Variants in WSCD2 observed in about 807,000 individuals in gnomAD.
WSCD2 encodes the protein WSC domain sialate O sulfotransferase 2, also known as sialate:O-sulfotransferase 2.
A neutral mutation model predicts 55.7 loss-of-function variants in WSCD2; 28 were observed. The observed-to-expected ratio is 0.50, with a 90% confidence interval of 0.37 to 0.69. WSCD2 has a LOEUF of 0.69. WSCD2 is among the 30% of genes least tolerant of loss of function. The pLI, the probability that WSCD2 is intolerant of heterozygous loss-of-function variation, is 0.00. For missense variants in WSCD2, 616 were observed against 762.1 expected (o/e 0.81, Z 2.26); for synonymous variants, 301 against 301.9 (o/e 1.00, Z 0.03).
At chr12:108,215,720 G>T (rs944386078) in intron 4 of WSCD2, among the ~76,000 whole-genome samples, 1 of 152,148 alleles carries the variant, frequency 6.6e-6, no homozygotes, top group African/African-American at 2.4e-5. Flanking sequence ...TTACCCAGGG[G>T]TTGGTGGCTT....
intron 8 of WSCD2, 142 bp from the exon 9 acceptor site, chr12:108,247,849 A>G: frequency 1.0e-6 from 1 of 986,462 alleles, no homozygotes; most frequent in Non-Finnish European, 1.5e-6. Flanking sequence ...GAGCCACCTC[A>G]CCTGGCCTGT....
At chr12:108,179,265 G>C (rs12308028) in intron 1 of WSCD2, among the ~76,000 whole-genome samples, 13,275 of 151,652 alleles carry the variant, frequency 0.088, 682 homozygotes, top group African/African-American at 0.14. Flanking sequence ...AGCGGGGGAG[G>C]GGGGGCAGAG....
chr12:108,131,234 G>A (rs900465300), intron 1 of WSCD2, among the ~76,000 whole-genome samples: 6 of 152,192 alleles, frequency 3.9e-5, no homozygotes, highest in Non-Finnish European at 5.9e-5. Context: ...TTTGCTGTGT[G>A]ACTTTGGGCA....
At chr12:108,182,117 G>A (rs368011964) in intron 1 of WSCD2, among the ~76,000 whole-genome samples, 2 of 152,132 alleles carry the variant, frequency 1.3e-5, no homozygotes, top group South Asian at 2.1e-4. Context: ...ACACAGATCT[G>A]CAAAATGAAA....
chr12:108,241,962 C>T (rs1018039605), intron 8 of WSCD2, among the ~76,000 whole-genome samples: 30 of 152,222 alleles, frequency 2.0e-4, no homozygotes, highest in Admixed American at 1.4e-3. Flanking sequence ...CCAGAGCCCA[C>T]GCTCTTCAGC....
At chr12:108,230,590 A>C (rs1888642621) in intron 6 of WSCD2, among the ~76,000 whole-genome samples, 1 of 152,244 alleles carries the variant, frequency 6.6e-6, no homozygotes, top group African/African-American at 2.4e-5. Context: ...AAGTGGAAGA[A>C]TTGGAATTTA....
intron 4 of WSCD2, among the ~76,000 whole-genome samples, chr12:108,211,932 G>A (rs768137365): frequency 6.6e-6 from 1 of 151,678 alleles, no homozygotes; most frequent in African/African-American, 2.4e-5. Context: ...CAAAGTGCTG[G>A]AATTACAGGC....
chr12:108,215,584 G>C (rs1386340897), intron 4 of WSCD2, among the ~76,000 whole-genome samples: 2 of 152,104 alleles, frequency 1.3e-5, no homozygotes, highest in African/African-American at 2.4e-5. Context: ...ATTCTCTTTG[G>C]ACAGTTAGGC....
At chr12:108,133,018 C>T (rs547825439) in intron 1 of WSCD2, among the ~76,000 whole-genome samples, 7 of 152,120 alleles carry the variant, frequency 4.6e-5, no homozygotes, top group African/African-American at 9.6e-5. Flanking sequence ...CGTGTGTATC[C>T]GTGAATGTTA....
intron 6 of WSCD2, 49 bp from the exon 7 acceptor site, chr12:108,232,682 C>A (rs1400859285): frequency 1.2e-5 from 19 of 1,542,652 alleles, no homozygotes; most frequent in Non-Finnish European, 1.7e-5. Flanking sequence ...TTCAGACAGG[C>A]TCCATCTGCC....
At chr12:108,190,489 T>C (rs1883025799) in intron 1 of WSCD2, among the ~76,000 whole-genome samples, 1 of 152,102 alleles carries the variant, frequency 6.6e-6, no homozygotes, top group African/African-American at 2.4e-5. Flanking sequence ...CCTCACAGGC[T>C]TCCATTCTGG....
intron 1 of WSCD2, among the ~76,000 whole-genome samples, chr12:108,137,791 G>A (rs1244406827): frequency 6.6e-6 from 1 of 152,224 alleles, no homozygotes; most frequent in Non-Finnish European, 1.5e-5. Flanking sequence ...AAATGTTTCT[G>A]TGTAGGTAGC....
At chr12:108,208,591 T>C (rs1885723614) in intron 3 of WSCD2, among the ~76,000 whole-genome samples, 1 of 152,114 alleles carries the variant, frequency 6.6e-6, no homozygotes. Flanking sequence ...ACTCCTGAAA[T>C]ACACTGAAAC....
rs1480682736 is a variant in WSCD2, at chr12:108,225,002, G to A, written c.804+142G>A. ...ACTGGGATCTATGACGTGGGAGAGG[G>A]ATGTGACCATTTCACGTGGATCTAA... On this transcript the variant is annotated intron_variant, in intron 5 of 8. Coordinates refer to ENST00000547525, the MANE Select transcript of WSCD2 (RefSeq NM_014653.4). The A allele has an allele frequency of 7.1e-6, 9 of 1,261,376 alleles. 1 individual carries two copies. In the Admixed American group the frequency reaches 2.4e-4, roughly 33 times the overall value. 78.1% of individuals were successfully genotyped at this position (1,261,376 alleles called of 1,614,324 possible). A position where few individuals can be genotyped will look rare whatever the true frequency, so the allele number is the denominator to read the frequency against.
chr12:108,243,775 T>C (rs2137242149), intron 8 of WSCD2, among the ~76,000 whole-genome samples: 1 of 152,290 alleles, frequency 6.6e-6, no homozygotes, highest in South Asian at 2.1e-4. Context: ...GAAGTGCTGC[T>C]TTTGGATGCC....
chr12:108,174,462 T>C (rs777896927), intron 1 of WSCD2, among the ~76,000 whole-genome samples: 2 of 152,166 alleles, frequency 1.3e-5, no homozygotes, highest in Admixed American at 6.5e-5. Context: ...TGAGGGAATA[T>C]GCACTTAGTA....
At chr12:108,224,104 T>C (rs2137158334) in intron 4 of WSCD2, among the ~76,000 whole-genome samples, 1 of 152,352 alleles carries the variant, frequency 6.6e-6, no homozygotes, top group South Asian at 2.1e-4. Context: ...GATTTGACAA[T>C]GGGCTCCAAA....
chr12:108,156,814 C>G (rs1384983771), intron 1 of WSCD2, among the ~76,000 whole-genome samples: 1 of 152,232 alleles, frequency 6.6e-6, no homozygotes, highest in Non-Finnish European at 1.5e-5. Flanking sequence ...CACCACCAAA[C>G]CCCAACTAGC....
At chr12:108,178,012 G>A (rs1456619188) in intron 1 of WSCD2, among the ~76,000 whole-genome samples, 2 of 151,962 alleles carry the variant, frequency 1.3e-5, no homozygotes, top group Non-Finnish European at 2.9e-5. Flanking sequence ...AAATGTTGAG[G>A]TCCTATGCAG....
Sources: gnomAD v4.1 joint callset for allele counts (sites outside exome capture counted in the v4.1 genomes callset) on GRCh38, gnomAD v4.1.1 for gene constraint, MANE v1.5 for transcripts, NCBI Gene and HGNC (gene_info 2026-07-23, HGNC 2026-07-21) for gene names.